EPHX4: variants seen among roughly 807,000 people sequenced by gnomAD.
EPHX4 encodes the protein epoxide hydrolase 4, also known as abhydrolase domain containing 7.
A neutral mutation model predicts 44.9 loss-of-function variants in EPHX4; 31 were observed. The observed-to-expected ratio is 0.69, with a 90% CI of 0.52 to 0.93. The LOEUF is 0.93. Ranked by LOEUF, EPHX4 falls within the 40% of genes least tolerant of loss-of-function variation. The probability of loss-of-function intolerance (pLI) is 0.00; values close to 1 mark genes in which losing one functional copy is unlikely to be tolerated. For synonymous variants in EPHX4, 151 were observed against 159.7 expected (o/e 0.95, Z 0.41); for missense variants, 373 against 438.1 (o/e 0.85, Z 1.33).
At chr1:92,040,325 G>A (rs533169904) in intron 2 of EPHX4, among the ~76,000 whole-genome samples, 5 of 148,486 alleles carry the variant, frequency 3.4e-5, no homozygotes, top group South Asian at 2.2e-4. Flanking sequence ...ACAGGCACAC[G>A]ACACCATACT....
At chr1:92,031,892 C>T (rs1056413536) in intron 1 of EPHX4, among the ~76,000 whole-genome samples, 1 of 152,096 alleles carries the variant, frequency 6.6e-6, no homozygotes, top group Non-Finnish European at 1.5e-5. Context: ...GAAACGCACA[C>T]TGACATGACA....
intron 2 of EPHX4, among the ~76,000 whole-genome samples, chr1:92,037,280 T>C (rs1212589416): frequency 6.6e-6 from 1 of 152,208 alleles, no homozygotes; most frequent in Admixed American, 6.6e-5. Context: ...AAATGTAACA[T>C]ATTATCGCAT....
chr1:92,044,779 A>G (rs1032720591), intron 3 of EPHX4, among the ~76,000 whole-genome samples: 1 of 152,170 alleles, frequency 6.6e-6, no homozygotes, highest in Admixed American at 6.5e-5. Context: ...TAGATGAGAC[A>G]TTTATAATTT....
intron 6 of EPHX4, among the ~76,000 whole-genome samples, chr1:92,062,475 C>T (rs971983613): frequency 6.7e-6 from 1 of 150,192 alleles, no homozygotes; most frequent in African/African-American, 2.5e-5. Flanking sequence ...GTCCCAGCTA[C>T]TCAGGAGGCT....
chr1:92,051,621 A>G lies in EPHX4; in HGVS notation c.709-889A>G, dbSNP rs184452095. Reference sequence around the variant, plus strand: ...TGATCTAGAGGCTTGATTAAATTTTAATTTGAAAAGGATACTTAATAGGTG... The same window carrying G: ...TGATCTAGAGGCTTGATTAAATTTTGATTTGAAAAGGATACTTAATAGGTG... On this transcript the variant is annotated intron_variant, in intron 5 of 6. Transcript: ENST00000370383. Among the ~76,000 whole-genome samples, 117 of 152,240 alleles carry G rather than the reference A, an allele frequency of 7.7e-4. 1 individual carries two copies. The highest frequency in any genetic ancestry group is 1.3e-3 in the Non-Finnish European group (88 of 68,014).
intron 6 of EPHX4, among the ~76,000 whole-genome samples, chr1:92,059,310 G>A (rs1030158194): frequency 6.6e-6 from 1 of 151,960 alleles, no homozygotes; most frequent in Non-Finnish European, 1.5e-5. Context: ...GGTGATGGGC[G>A]CCTGTAATCC....
rs1383490491 is a variant in EPHX4 at position 92,030,490 on chromosome 1, G to GTGTGTGTGTGTGTGTGT, written c.231+180_231+181insTGTGTGTGTGTGTGTGT. On this transcript the variant is annotated intron_variant, in intron 1 of 6. Coordinates refer to ENST00000370383, the MANE Select transcript of EPHX4 (RefSeq NM_173567.5). ...TGTGTGTGTGTGTGTGTGTGTGAGA[G>GTGTGTGTGTGTGTGTGT]AGAGAGAGAGAGAGAGAGATACAGA... 1.4e-3 allele frequency among the ~76,000 whole-genome samples: 179 copies of GTGTGTGTGTGTGTGTGT among 127,748 alleles called. 4 individuals are homozygous for GTGTGTGTGTGTGTGTGT. The highest frequency in any genetic ancestry group is 3.0e-3 in the African/African-American group (100 of 32,834). The allele number at this position is 127,748 out of a possible 152,430, so 83.8% of individuals were successfully genotyped here. A position where few individuals can be genotyped will look rare whatever the true frequency, so the allele number is the denominator to read the frequency against.
At chr1:92,053,074 A>C (rs992911349) in intron 6 of EPHX4, among the ~76,000 whole-genome samples, 1 of 152,238 alleles carries the variant, frequency 6.6e-6, no homozygotes, top group Non-Finnish European at 1.5e-5. Flanking sequence ...CTTGTAGCCT[A>C]ATAGGGAAAA....
intron 1 of EPHX4, among the ~76,000 whole-genome samples, chr1:92,031,907 C>T (rs1486740655): frequency 6.6e-6 from 1 of 152,056 alleles, no homozygotes; most frequent in East Asian, 1.9e-4. Context: ...ATGACATGAG[C>T]AGGCAGCAAG....
intron 4 of EPHX4, among the ~76,000 whole-genome samples, chr1:92,046,503 G>A (rs1322089079): frequency 1.3e-5 from 2 of 151,992 alleles, no homozygotes; most frequent in African/African-American, 2.4e-5. Context: ...TCGCTCTGTC[G>A]CCCAGGCTGG....
intron 6 of EPHX4, among the ~76,000 whole-genome samples, chr1:92,060,477 A>C (rs1281106480): frequency 6.6e-6 from 1 of 151,982 alleles, no homozygotes; most frequent in Non-Finnish European, 1.5e-5. Context: ...AATAATTTAA[A>C]AATAAAATAA....
Position 92,050,301 on chromosome 1 carries a change from G to A in EPHX4, c.605-16G>A, listed in dbSNP as rs1647224751. The stretch of plus-strand genomic sequence containing the variant: ...ATACCCCTTGGATAAGGTCTAACAT[G>A]GCATTTTAATTTCAGAATATATTTT... On this transcript the variant is annotated splice_polypyrimidine_tract_variant and intron_variant, in intron 4 of 6. Transcript: ENST00000370383. 6.6e-7 allele frequency: 1 copy of A among 1,506,878 alleles called. No individual in the cohort carries two copies. 93.3% of individuals were successfully genotyped at this position (1,506,878 alleles called of 1,614,324 possible).
Position 92,060,286 on chromosome 1 carries a change from C to G in EPHX4, c.858-2769C>G, listed in dbSNP as rs868451493. On this transcript the variant is annotated intron_variant, in intron 6 of 6. Transcript: ENST00000370383. The stretch of plus-strand genomic sequence containing the variant: ...TTAATTAGTCAGCTGTTGTGGCATG[C>G]CTCTGCAGTCCCAGCTACTCAGGAG... Among the ~76,000 whole-genome samples, 59 of 150,470 alleles carry G rather than the reference C, an allele frequency of 3.9e-4. 1 individual carries two copies. Among genetic ancestry groups the G allele is most frequent in the African/African-American group, 1.3e-3 (54 of 40,866 alleles).
At chr1:92,033,773 A>AG (rs1688395568) in intron 2 of EPHX4, among the ~76,000 whole-genome samples, 1 of 152,068 alleles carries the variant, frequency 6.6e-6, no homozygotes, top group Non-Finnish European at 1.5e-5. Context: ...AGACTGGGAA[A>AG]TCCAAGATCA....
chr1:92,033,997 CTTTTTTT>C (rs36075635), intron 2 of EPHX4, among the ~76,000 whole-genome samples: 2 of 109,156 alleles, frequency 1.8e-5, no homozygotes, highest in African/African-American at 3.4e-5. Flanking sequence ...CATGTTTAAA[CTTTTTTT>C]TTTTTTTTTT....
intron 4 of EPHX4, among the ~76,000 whole-genome samples, chr1:92,047,249 G>A (rs1426980536): frequency 6.6e-6 from 1 of 152,110 alleles, no homozygotes; most frequent in Non-Finnish European, 1.5e-5. Context: ...ATTTAAAAAT[G>A]CAGCAAAAAA....
At chr1:92,047,981 T>C (rs984312853) in intron 4 of EPHX4, among the ~76,000 whole-genome samples, 1 of 152,198 alleles carries the variant, frequency 6.6e-6, no homozygotes, top group African/African-American at 2.4e-5. Flanking sequence ...TATTTGGTTT[T>C]GGCAAAAATT....
At position 92,058,443 on chromosome 1, in the gene EPHX4, GAA is replaced by G. The variant is rs576728125; in HGVS notation, c.858-4598_858-4597del. On this transcript the variant is annotated intron_variant, in intron 6 of 6. Transcript: ENST00000370383. ...GGAACAAGAGCGAAACCCCGTCTCA[GAA>G]AAAAAAAAAAAAATCCATTAATTTG... Among the ~76,000 whole-genome samples the G allele has an allele frequency of 4.6e-3, 463 of 101,710 alleles. 3 individuals are homozygous for G. Among genetic ancestry groups the G allele is most frequent in the African/African-American group, 0.016 (444 of 27,848 alleles). The allele number at this position is 101,710 out of a possible 152,430, so 66.7% of individuals were successfully genotyped here. A position where few individuals can be genotyped will look rare whatever the true frequency, so the allele number is the denominator to read the frequency against.
intron 3 of EPHX4, among the ~76,000 whole-genome samples, chr1:92,044,686 T>C (rs1276187504): frequency 4.6e-5 from 7 of 152,216 alleles, no homozygotes; most frequent in Non-Finnish European, 1.0e-4. Flanking sequence ...TGACAGATTT[T>C]CTGTGTTGAA....
Sources: gnomAD v4.1 joint callset for allele counts (sites outside exome capture counted in the v4.1 genomes callset) on GRCh38, gnomAD v4.1.1 for gene constraint, MANE v1.5 for transcripts, NCBI Gene and HGNC (gene_info 2026-07-23, HGNC 2026-07-21) for gene names.